Variants in ADA observed in about 807,000 individuals in gnomAD.
The protein encoded by ADA is adenosine deaminase.
ADA carries 45 observed loss-of-function variants against 49.0 expected under a neutral mutation model. The ratio of observed to expected loss-of-function variants is 0.92; its 90% CI spans 0.72 to 1.18. The LOEUF is 1.18. Among genes scored for constraint, ADA ranks in the 50% most tolerant of loss-of-function variants. The pLI is 0.00. For synonymous variants in ADA, 173 were observed against 184.2 expected (o/e 0.94, Z 0.49); for missense variants, 445 against 472.5 (o/e 0.94, Z 0.54).
intron 1 of ADA, among the ~76,000 whole-genome samples, chr20:44,641,155 G>A (rs920374024): frequency 4.6e-5 from 7 of 152,198 alleles, no homozygotes; most frequent in Non-Finnish European, 1.0e-4. Flanking sequence ...GGGCTTCAGA[G>A]GAGTAGTTCT....
chr20:44,629,776 C>T (rs1357111150), intron 2 of ADA, among the ~76,000 whole-genome samples: 1 of 152,230 alleles, frequency 6.6e-6, no homozygotes, highest in African/African-American at 2.4e-5. Flanking sequence ...CCCACAGCCG[C>T]CACACCAAGC....
At chr20:44,645,282 C>T (rs1338055928) in intron 1 of ADA, among the ~76,000 whole-genome samples, 1 of 148,360 alleles carries the variant, frequency 6.7e-6, no homozygotes, top group East Asian at 2.0e-4. Flanking sequence ...CGCATGAACC[C>T]AGGAGGCAGA....
At chr20:44,635,043 T>A (rs1469062592) in intron 2 of ADA, among the ~76,000 whole-genome samples, 1 of 152,188 alleles carries the variant, frequency 6.6e-6, no homozygotes, top group Non-Finnish European at 1.5e-5. Flanking sequence ...GGCCTGTTCT[T>A]AGCCTCAGTT....
At chr20:44,646,673 T>A (rs1332005966) in intron 1 of ADA, among the ~76,000 whole-genome samples, 1 of 151,836 alleles carries the variant, frequency 6.6e-6, no homozygotes, top group Non-Finnish European at 1.5e-5. Context: ...GTTTCAGGAG[T>A]TGTCTACCTG....
At chr20:44,642,187 C>T (rs2065542218) in intron 1 of ADA, among the ~76,000 whole-genome samples, 2 of 152,154 alleles carry the variant, frequency 1.3e-5, no homozygotes, top group Admixed American at 1.3e-4. Context: ...CTGAGTGATC[C>T]AAGGAGCCGA....
chr20:44,636,343 A>G (rs1395042602), intron 1 of ADA, 55 bp from the exon 2 acceptor site: 2 of 1,422,650 alleles, frequency 1.4e-6, no homozygotes, highest in South Asian at 1.2e-5. Context: ...ACAAATACCT[A>G]TGAGTTCACG....
rs1442953086 is a variant in ADA, at chr20:44,622,825, T to C, written c.780+4A>G. The C allele has an allele frequency of 1.2e-6, 2 of 1,614,228 alleles. No homozygotes were observed. The highest frequency in any genetic ancestry group is 3.3e-5 in the Admixed American group (2 of 60,036). On this transcript the variant is annotated splice_donor_region_variant and intron_variant, in intron 8 of 11. Transcript: ENST00000372874. ...GGTTCCTCCCCACTCCCTGGCCCGC[T>C]TACCTCGAAGTGCATGTTTTCCTGC...
chr20:44,640,563 G>C (rs539202389), intron 1 of ADA, among the ~76,000 whole-genome samples: 1 of 151,874 alleles, frequency 6.6e-6, no homozygotes, highest in Non-Finnish European at 1.5e-5. Flanking sequence ...AGCTACTCAG[G>C]AGGCTGAGGC....
chr20:44,621,058 T>C lies in ADA; in HGVS notation c.935A>G (p.Lys312Arg), dbSNP rs748974674. 2.5e-6 allele frequency: 4 copies of C among 1,614,036 alleles called. No homozygotes were observed. Among genetic ancestry groups the C allele is most frequent in the Non-Finnish European group, 3.4e-6 (4 of 1,180,036 alleles). The change falls in exon 10 of 12, where the codon AAA (lysine) becomes AGA (arginine). Residue 312 changes from lysine to arginine, a missense_variant. Lys to Arg is a conservative substitution (Grantham distance 26). Coordinates refer to ENST00000372874, the MANE Select transcript of ADA (RefSeq NM_000022.4). ...CTCTTCAGTAAAGCCCATGTCCCGTTTGGTCATCTGGTAATCAGTGTCCAG... is the reference window on the plus strand; with the variant it reads ...CTCTTCAGTAAAGCCCATGTCCCGTCTGGTCATCTGGTAATCAGTGTCCAG... The part of the protein sequence containing the change: ...STLDTDYQMT[K>R]RDMGFTEEEF...
Position 44,621,056 on chromosome 20 carries a change from G to C in ADA, c.937C>G (p.Arg313Gly). Residue 313 changes from arginine to glycine, a missense_variant, in exon 10 of 12, where the codon CGG (arginine) becomes GGG (glycine). Coordinates refer to ENST00000372874, the MANE Select transcript of ADA (RefSeq NM_000022.4). ...TCCTCTTCAGTAAAGCCCATGTCCC[G>C]TTTGGTCATCTGGTAATCAGTGTCC... ...TLDTDYQMTK[R>G]DMGFTEEEFK... The C allele has an allele frequency of 6.2e-7, 1 of 1,614,128 alleles. No individual in the cohort carries two copies. Among genetic ancestry groups the C allele is most frequent in the Non-Finnish European group, 8.5e-7 (1 of 1,180,022 alleles).
At chr20:44,644,688 C>A (rs1316343789) in intron 1 of ADA, among the ~76,000 whole-genome samples, 1 of 152,206 alleles carries the variant, frequency 6.6e-6, no homozygotes, top group African/African-American at 2.4e-5. Flanking sequence ...GACAGAGCAG[C>A]CCTGGGCTGA....
intron 1 of ADA, among the ~76,000 whole-genome samples, chr20:44,636,805 C>T (rs1362415836): frequency 1.3e-5 from 2 of 152,060 alleles, no homozygotes; most frequent in South Asian, 4.1e-4. Flanking sequence ...GATCCATTTT[C>T]GTTTTCTTTT....
rs934757654 is a variant in ADA at position 44,629,110 on chromosome 20, A to T, written c.155T>A (p.Met52Lys). ...GTCTGGAAGGGTGAGCGGCTTGTCCATGCCAATGACGTTCAGCAGCCCCTC... is the reference window on the plus strand; with the variant it reads ...GTCTGGAAGGGTGAGCGGCTTGTCCTTGCCAATGACGTTCAGCAGCCCCTC... ...TAEGLLNVIGMDKPLTLPDFL... is the reference protein window; with the variant it reads ...TAEGLLNVIGKDKPLTLPDFL... The change falls in exon 3 of 12, where the codon ATG (methionine) becomes AAG (lysine). Residue 52 changes from methionine (M) to lysine (K), a missense_variant. Transcript: ENST00000372874. The T allele has an allele frequency of 6.2e-7, 1 of 1,614,216 alleles. No homozygotes were observed. The highest frequency in any genetic ancestry group is 1.1e-5 in the South Asian group (1 of 91,090).
intron 1 of ADA, among the ~76,000 whole-genome samples, chr20:44,640,242 CCT>C (rs1031591796): frequency 6.6e-6 from 1 of 151,810 alleles, no homozygotes; most frequent in Non-Finnish European, 1.5e-5. Flanking sequence ...GGTGAAATCC[CCT>C]CTCTATTAAA....
rs75677864 is a variant in ADA at position 44,636,353 on chromosome 20, G to A, written c.34-65C>T. On this transcript the variant is annotated intron_variant, in intron 1 of 11. Transcript: ENST00000372874. ...AGAGAACAAATACCTATGAGTTCACGAAGGACCTTTCAGAGCTTAATGTTA... is the reference window on the plus strand; with the variant it reads ...AGAGAACAAATACCTATGAGTTCACAAAGGACCTTTCAGAGCTTAATGTTA... 1.5e-3 allele frequency: 1,974 copies of A among 1,353,874 alleles called. 25 individuals carry two copies. The African/African-American group carries it at 0.024, about 16-fold the overall frequency. The allele number at this position is 1,353,874 out of a possible 1,614,324, so 83.9% of individuals were successfully genotyped here.
At chr20:44,627,379 C>T (rs964070593) in intron 3 of ADA, among the ~76,000 whole-genome samples, 2 of 152,132 alleles carry the variant, frequency 1.3e-5, no homozygotes, top group Admixed American at 6.6e-5. Context: ...GACAGCGTTT[C>T]GCTGTGTTAG....
At chr20:44,631,600 C>T (rs369810625) in intron 2 of ADA, among the ~76,000 whole-genome samples, 27 of 152,306 alleles carry the variant, frequency 1.8e-4, no homozygotes, top group African/African-American at 5.3e-4. Flanking sequence ...GGACCTGCTG[C>T]GCCAGCCATG....
intron 1 of ADA, among the ~76,000 whole-genome samples, chr20:44,645,360 A>G (rs2065580660): frequency 6.7e-6 from 1 of 150,206 alleles, no homozygotes; most frequent in African/African-American, 2.4e-5. Flanking sequence ...TCCAGCTCAA[A>G]AAAAAAAAAA....
At chr20:44,632,505 C>A (rs1050442281) in intron 2 of ADA, among the ~76,000 whole-genome samples, 11 of 152,252 alleles carry the variant, frequency 7.2e-5, no homozygotes, top group African/African-American at 2.2e-4. Context: ...AGACAAAGAG[C>A]ACAGGGGACT....
Sources: allele counts gnomAD v4.1 joint callset (sites outside exome capture counted in the v4.1 genomes callset), GRCh38; gene constraint gnomAD v4.1.1; transcripts MANE v1.5; gene names NCBI Gene and HGNC (gene_info 2026-07-23, HGNC 2026-07-21).